Variants in CHADL observed in about 807,000 individuals in gnomAD.
CHADL encodes the protein chondroadherin-like protein.
In CHADL, 48 loss-of-function variants were observed where a neutral mutation model predicts 52.1. The ratio of observed to expected loss-of-function variants is 0.92; its 90% CI spans 0.73 to 1.17. CHADL has a LOEUF of 1.17. Among genes scored for constraint, CHADL ranks in the 50% most tolerant of loss-of-function variants. CHADL has a pLI of 0.00. For synonymous variants in CHADL, 498 were observed against 511.2 expected (o/e 0.97, Z 0.35); for missense variants, 977 against 1,035.1 (o/e 0.94, Z 0.77).
At chr22:41,232,684 G>A (rs993370522) in intron 5 of CHADL, among the ~76,000 whole-genome samples, 6 of 152,126 alleles carry the variant, frequency 3.9e-5, no homozygotes, top group Non-Finnish European at 5.9e-5. Flanking sequence ...GGCCTGAGAC[G>A]TCCTGATTCC....
At position 41,238,758 on chromosome 22, in the gene CHADL, G is replaced by A. The variant is rs1488887296; in HGVS notation, c.314C>T (p.Ala105Val). 3.2e-6 allele frequency: 5 copies of A among 1,549,188 alleles called. No homozygotes were observed. Among genetic ancestry groups the A allele is most frequent in the African/African-American group, 1.4e-5 (1 of 73,168 alleles). The change falls in exon 3 of 6, where the codon GCC (alanine) becomes GTC (valine). Residue 105 changes from alanine (A) to valine (V), a missense_variant. Physicochemically the swap from Ala to Val is moderately conservative, Grantham distance 64. Coordinates refer to ENST00000216241, the MANE Select transcript of CHADL (RefSeq NM_138481.2). The surrounding 1 kb of genome is among the most constrained non-coding windows in gnomAD (Gnocchi z 4.9). The stretch of plus-strand genomic sequence containing the variant: ...GAGCAGGCGGCCCAGGCCACGGAAG[G>A]CGCCCTCGGCCACCAGCTCCACCTC... ...HCEVELVAEGAFRGLGRLLLL... is the reference protein window; with the variant it reads ...HCEVELVAEGVFRGLGRLLLL...
intron 5 of CHADL, chr22:41,230,488 C>T (rs1024187462): frequency 1.0e-5 from 5 of 500,676 alleles, no homozygotes; most frequent in South Asian, 2.6e-5. Flanking sequence ...CCCCAGAACT[C>T]GTCTGTGAAC....
In CHADL at chr22:41,238,594, G is replaced by C. The variant is rs777984875; in HGVS notation, c.478C>G (p.Leu160Val). ...RPGTFGALGA[L>V]ATLNLAHNAL... is the part of the protein sequence containing the mutation. The stretch of plus-strand genomic sequence containing the variant: ...TTGTGGGCCAGGTTTAGCGTGGCCA[G>C]CGCACCCAGTGCCCCGAACGTCCCC... Residue 160 changes from leucine (L) to valine (V), a missense_variant, in exon 3 of 6, where the codon CTG becomes GTG. Transcript: ENST00000216241. This position sits in a 1 kb window ranked among gnomAD's most constrained non-coding sequence, Gnocchi z 4.9. 8 of 1,545,480 alleles carry C rather than the reference G, an allele frequency of 5.2e-6. No individual in the cohort carries two copies. In the South Asian group the frequency reaches 9.5e-5, roughly 18 times the overall value.
intron 5 of CHADL, among the ~76,000 whole-genome samples, chr22:41,234,554 T>C (rs1403928302): frequency 6.6e-6 from 1 of 150,556 alleles, no homozygotes; most frequent in Non-Finnish European, 1.5e-5. Flanking sequence ...GCTAATTTTT[T>C]TTTTTTTGAG....
chr22:41,239,558 G>T lies in CHADL; in HGVS notation c.71C>A (p.Pro24Gln). 6.5e-7 allele frequency: 1 copy of T among 1,548,106 alleles called. No individual in the cohort carries two copies. The highest frequency in any genetic ancestry group is 1.2e-5 in the South Asian group (1 of 83,850). The change falls in exon 2 of 6, where the codon CCG (proline) becomes CAG (glutamine). Residue 24 changes from proline (P) to glutamine (Q), a missense_variant. Transcript: ENST00000216241. ...GCGCTGGGCGGCGGCCTGCCTAGCCGGGGCCAGCAGCAGAAGTACAAGAAG... is the reference window on the plus strand; with the variant it reads ...GCGCTGGGCGGCGGCCTGCCTAGCCTGGGCCAGCAGCAGAAGTACAAGAAG... The part of the protein sequence containing the change: ...LPLLVLLLLA[P>Q]ARQAAAQRCP...
intron 5 of CHADL, among the ~76,000 whole-genome samples, chr22:41,234,344 G>A (rs987347070): frequency 5.3e-5 from 8 of 150,394 alleles, no homozygotes; most frequent in Non-Finnish European, 1.2e-4. Flanking sequence ...GCAGGGAGGA[G>A]GGAAGAACGG....
chr22:41,232,279 C>T (rs2032629545), intron 5 of CHADL, among the ~76,000 whole-genome samples: 1 of 151,576 alleles, frequency 6.6e-6, no homozygotes, highest in African/African-American at 2.4e-5. Context: ...TGGCAATGAG[C>T]CGAGATTGCA....
Position 41,236,060 on chromosome 22 carries a change from C to T in CHADL, c.2063+424G>A, listed in dbSNP as rs527805259. Among the ~76,000 whole-genome samples the T allele has an allele frequency of 1.1e-3, 169 of 152,250 alleles. 1 individual carries two copies. Among genetic ancestry groups the T allele is most frequent in the African/African-American group, 3.8e-3 (158 of 41,536 alleles). ...CTAATTTTTGTATTTTTAGTAGAGGCAGAGTTTCACCATGCTGGCCAGGCT... is the reference window on the plus strand; with the variant it reads ...CTAATTTTTGTATTTTTAGTAGAGGTAGAGTTTCACCATGCTGGCCAGGCT... On this transcript the variant is annotated intron_variant, in intron 4 of 5. Transcript: ENST00000216241.
intron 1 of CHADL, among the ~76,000 whole-genome samples, chr22:41,240,093 T>TTA: frequency 6.6e-6 from 1 of 152,176 alleles, no homozygotes; most frequent in East Asian, 1.9e-4. Context: ...GTTTGTTTGT[T>TTA]TAAATAGAGA....
In CHADL at chr22:41,238,303, G is replaced by T. The variant is rs1174180810; in HGVS notation, c.769C>A (p.Arg257=). 6.5e-7 allele frequency: 1 copy of T among 1,527,652 alleles called. No homozygotes were observed. Among genetic ancestry groups the T allele is most frequent in the South Asian group, 1.2e-5 (1 of 83,476 alleles). 94.6% of individuals were successfully genotyped at this position (1,527,652 alleles called of 1,614,324 possible). The change falls in exon 3 of 6, where the codon CGG becomes AGG. Residue 257 remains arginine, a synonymous_variant. Transcript: ENST00000216241. The surrounding 1 kb of genome is among the most constrained non-coding windows in gnomAD (Gnocchi z 4.9). ...GCCCCGCCGTCCAGCAGCAGCTCCCGCAGGCCGGGCAGCGCCAGCCCGTCC... is the reference window on the plus strand; with the variant it reads ...GCCCCGCCGTCCAGCAGCAGCTCCCTCAGGCCGGGCAGCGCCAGCCCGTCC... ...EEDGLALPGL[R]ELLLDGGALQ... is the part of the protein sequence containing the mutation.
In CHADL at chr22:41,235,282, C is replaced by T. The variant is rs920755819; in HGVS notation, c.2125G>A (p.Gly709Ser). ...GCAGCTGCAGCCTTCACCCTCTGGC[C>T]ACGGGCATTGGGAGGGGTGGCGCAG... ...ATCATPPNAR[G>S]QRVKAAAAVF... is the part of the protein sequence containing the mutation. Residue 709 changes from glycine (G) to serine (S), a missense_variant, in exon 5 of 6, where the codon GGC (glycine) becomes AGC (serine). Gly to Ser is a moderately conservative substitution (Grantham distance 56, BLOSUM62 0). Transcript: ENST00000216241. The T allele has an allele frequency of 4.5e-6, 7 of 1,551,198 alleles. No homozygotes were observed. In the African/African-American group the frequency reaches 9.6e-5, roughly 21 times the overall value.
chr22:41,235,765 C>G (rs1182212515), intron 4 of CHADL, among the ~76,000 whole-genome samples: 1 of 152,192 alleles, frequency 6.6e-6, no homozygotes, highest in African/African-American at 2.4e-5. Flanking sequence ...TACTACATCC[C>G]CCCTTTTTAC....
At position 41,235,298 on chromosome 22, in the gene CHADL, G is replaced by T. The variant is rs1199954447; in HGVS notation, c.2109C>A (p.Thr703=). 2.6e-6 allele frequency: 4 copies of T among 1,550,980 alleles called. No individual in the cohort carries two copies. The highest frequency in any genetic ancestry group is 3.5e-6 in the Non-Finnish European group (4 of 1,147,016). Residue 703 remains threonine, a synonymous_variant, in exon 5 of 6, where the codon ACC becomes ACA. Coordinates refer to ENST00000216241, the MANE Select transcript of CHADL (RefSeq NM_138481.2). ...LNLRVGATCA[T]PPNARGQRVK... The stretch of plus-strand genomic sequence containing the variant: ...CCCTCTGGCCACGGGCATTGGGAGG[G>T]GTGGCGCAGGTGGCCCCCACCCGCA...
chr22:41,231,574 A>T (rs1177819365), intron 5 of CHADL, among the ~76,000 whole-genome samples: 1 of 152,240 alleles, frequency 6.6e-6, no homozygotes, highest in South Asian at 2.1e-4. Flanking sequence ...TGTGCGCATG[A>T]CCACGTGTTG....
In CHADL at chr22:41,229,579, A is replaced by G; in HGVS notation, c.*125T>C. Reference sequence around the variant, plus strand: ...CCCACTAAGACGCGACCCCTCAGACAGGGGTCCAAGAAGCCCCTGCTGGAG... The same window carrying G: ...CCCACTAAGACGCGACCCCTCAGACGGGGGTCCAAGAAGCCCCTGCTGGAG... On this transcript the variant is annotated 3_prime_UTR_variant, in exon 6 of 6. Transcript: ENST00000216241. 2 of 1,613,346 alleles carry G rather than the reference A, an allele frequency of 1.2e-6. No individual in the cohort carries two copies. The highest frequency in any genetic ancestry group is 1.7e-6 in the Non-Finnish European group (2 of 1,179,404).
chr22:41,239,615 CGGGGCCTGGG>C lies in CHADL; in HGVS notation c.9-5_13del. On this transcript the variant is annotated splice_acceptor_variant and splice_polypyrimidine_tract_variant and coding_sequence_variant and intron_variant, in exon 2 of 6. Coordinates refer to ENST00000216241, the MANE Select transcript of CHADL (RefSeq NM_138481.2). LOFTEE classifies it high-confidence loss of function. ...CACCAAGGGGACATGGGTGGAGCTC[CGGGGCCTGGG>C]ACGGGGAGGGAGAGTCTGTTGTGCA... 1.3e-6 allele frequency: 2 copies of C among 1,528,342 alleles called. 1 individual carries two copies. 94.7% of individuals were successfully genotyped at this position (1,528,342 alleles called of 1,614,324 possible). A position where few individuals can be genotyped will look rare whatever the true frequency, so the allele number is the denominator to read the frequency against.
chr22:41,233,009 C>T (rs961719212), intron 5 of CHADL, among the ~76,000 whole-genome samples: 2 of 152,232 alleles, frequency 1.3e-5, no homozygotes, highest in Admixed American at 6.5e-5. Context: ...ATTAGGAACA[C>T]TTTATAGACT....
At chr22:41,233,652 C>T (rs370066460) in intron 5 of CHADL, among the ~76,000 whole-genome samples, 73 of 152,314 alleles carry the variant, frequency 4.8e-4, no homozygotes, top group Non-Finnish European at 7.5e-4. Context: ...AGAGCACTAC[C>T]GGTTCCAGAG....
chr22:41,236,125 G>A (rs1158192519), intron 4 of CHADL, among the ~76,000 whole-genome samples: 7 of 152,198 alleles, frequency 4.6e-5, no homozygotes. Context: ...GCCTGCATTG[G>A]CCTCCCAAAG....
Sources: gnomAD v4.1 joint callset for allele counts (sites outside exome capture counted in the v4.1 genomes callset) on GRCh38, gnomAD v4.1.1 for gene constraint, Gnocchi (gnomAD v3.1) non-coding constraint, MANE v1.5 for transcripts, NCBI Gene and HGNC (gene_info 2026-07-23, HGNC 2026-07-21) for gene names.